Variants in GRM4 observed in about 807,000 individuals in gnomAD.
The protein encoded by GRM4 is metabotropic glutamate receptor 4.
Under a neutral mutation model 81.7 loss-of-function variants are expected in GRM4, and 28 were observed. The observed-to-expected ratio is 0.34, with a 90% CI of 0.25 to 0.47. The LOEUF (loss-of-function observed/expected upper bound fraction) is 0.47, where lower values mean the gene tolerates loss of function less well. Ranked by LOEUF, GRM4 falls within the 20% of genes least tolerant of loss-of-function variation. The pLI, the probability that GRM4 is intolerant of heterozygous loss-of-function variation, is 1.00. For synonymous variants in GRM4, 488 were observed against 528.8 expected, an observed-to-expected ratio of 0.92 and a Z score of 1.06; for missense variants, 948 against 1,290.0, an observed-to-expected ratio of 0.73 and a Z score of 4.06.
upstream of GRM4, among the ~76,000 whole-genome samples, chr6:34,146,463 C>T (rs915830028): frequency 1.3e-5 from 2 of 152,216 alleles, no homozygotes; most frequent in Non-Finnish European, 2.9e-5. Flanking sequence ...ATAAAGCCAG[C>T]TCGCCCCCTT....
intron 10 of GRM4, among the ~76,000 whole-genome samples, chr6:34,025,597 G>A (rs1764095582): frequency 1.3e-5 from 2 of 152,124 alleles, no homozygotes; most frequent in Non-Finnish European, 2.9e-5. Flanking sequence ...CTTCACCCAA[G>A]CCTCAGTCTC....
At chr6:34,131,708 G>T (rs1027722514) in intron 2 of GRM4, among the ~76,000 whole-genome samples, 33 of 152,142 alleles carry the variant, frequency 2.2e-4, no homozygotes, top group Admixed American at 1.7e-3. Flanking sequence ...TGCATCATGG[G>T]AAGTGGGCTA....
rs763706373 is a variant in GRM4, at chr6:34,028,249, G to T, written c.2560C>A (p.Pro854Thr). Residue 854 changes from proline (P) to threonine (T), a missense_variant, in exon 10 of 11, where the codon CCC (proline) becomes ACC (threonine). Coordinates refer to ENST00000538487, the MANE Select transcript of GRM4 (RefSeq NM_000841.4). ...IILFHPEQNV[P>T]KRKRSLKAVV... ...GCTTTGAGGCTGCGCTTGCGCTTGG[G>T]CACGTTCTGCTCCGGGTGGAAGAGG... 21 of 1,614,076 alleles carry T rather than the reference G, an allele frequency of 1.3e-5. No individual in the cohort carries two copies. In the East Asian group the frequency reaches 4.5e-4, roughly 34 times the overall value.
At chr6:34,041,640 C>G (rs1407327617) in intron 6 of GRM4, among the ~76,000 whole-genome samples, 1 of 152,190 alleles carries the variant, frequency 6.6e-6, no homozygotes, top group Non-Finnish European at 1.5e-5. Flanking sequence ...AGATAAGGTA[C>G]CGAAAACACT....
Position 34,028,120 on chromosome 6 carries a change from C to G in GRM4, c.2689G>C (p.Ala897Pro). ...GGGCAGAACGGGGCCAGGCACTCAC[C>G]TGGGGCCTCAAGGTTCTCGCAGAGC... ...SELCENLEAP[A>P]LATKQTYVTY... is the part of the protein sequence containing the mutation. Residue 897 changes from alanine to proline, a missense_variant and splice_region_variant, in exon 10 of 11, where the codon GCG (alanine) becomes CCG (proline). By Grantham distance (27) the Ala-to-Pro change is conservative. Transcript: ENST00000538487. The G allele has an allele frequency of 1.9e-6, 3 of 1,610,922 alleles. No homozygotes were observed. The highest frequency in any genetic ancestry group is 2.5e-6 in the Non-Finnish European group (3 of 1,178,276).
intron 8 of GRM4, among the ~76,000 whole-genome samples, chr6:34,038,274 C>G (rs1024656488): frequency 6.6e-5 from 10 of 152,252 alleles, no homozygotes; most frequent in African/African-American, 2.4e-4. Context: ...TCATCTGATC[C>G]AATGAAAGCA....
chr6:34,077,854 A>G (rs1767395970), intron 3 of GRM4, among the ~76,000 whole-genome samples: 1 of 152,134 alleles, frequency 6.6e-6, no homozygotes, highest in Middle Eastern at 3.2e-3. Context: ...CTGGGCACCT[A>G]TAACAATCTC....
chr6:34,032,922 C>T (rs552027227), intron 9 of GRM4, among the ~76,000 whole-genome samples: 1 of 152,286 alleles, frequency 6.6e-6, no homozygotes, highest in South Asian at 2.1e-4. Context: ...GTGGGCCTCC[C>T]AGCCAGGTAC....
chr6:34,148,601 T>G (rs1482232034), upstream of GRM4, among the ~76,000 whole-genome samples: 1 of 152,110 alleles, frequency 6.6e-6, no homozygotes, highest in Non-Finnish European at 1.5e-5. Context: ...TCTAACCGTG[T>G]CTCCAACAAG....
rs1363204065 is a variant in GRM4, at chr6:34,092,235, G to A, written c.520-136C>T. 26 of 618,662 alleles carry A rather than the reference G, an allele frequency of 4.2e-5. No homozygotes were observed. The highest frequency in any genetic ancestry group is 2.8e-4 in the South Asian group (14 of 50,806). 38.3% of individuals were successfully genotyped at this position (618,662 alleles called of 1,614,324 possible). On this transcript the variant is annotated intron_variant, in intron 2 of 10. Coordinates refer to ENST00000538487, the MANE Select transcript of GRM4 (RefSeq NM_000841.4). The surrounding 1 kb of genome is among the most constrained non-coding windows in gnomAD (Gnocchi z 6.8). Reference sequence around the variant, plus strand: ...CCACAGCCCACCCCTCCCCATGGGCGATGCCTCCTCCTCCAGAAAGTCTCC... The same window carrying A: ...CCACAGCCCACCCCTCCCCATGGGCAATGCCTCCTCCTCCAGAAAGTCTCC...
rs902210 is a variant in GRM4 at position 34,112,028 on chromosome 6, G to C, written c.520-19929C>G. 8.3e-3 allele frequency among the ~76,000 whole-genome samples: 1,270 copies of C among 152,246 alleles called. 5 individuals are homozygous for C. Among genetic ancestry groups the C allele is most frequent in the Middle Eastern group, 0.044 (13 of 294 alleles). ...TGCACCTAAATAAACGTAGTGGAAG[G>C]GGGGGACATGATCACTCCTGGAAAG... On this transcript the variant is annotated intron_variant, in intron 2 of 10. Transcript: ENST00000538487.
intron 6 of GRM4, among the ~76,000 whole-genome samples, chr6:34,045,048 C>T (rs1765303321): frequency 6.6e-6 from 1 of 152,100 alleles, no homozygotes; most frequent in African/African-American, 2.4e-5. Flanking sequence ...ACACCACACA[C>T]ACTCCTCAAC....
At chr6:34,146,996 C>T (rs1390930128), upstream of GRM4, among the ~76,000 whole-genome samples, 2 of 150,250 alleles carry the variant, frequency 1.3e-5, no homozygotes, top group Admixed American at 6.6e-5. Flanking sequence ...GCCAAAACCA[C>T]ATCTCGTTCA....
rs943703259 is a variant in GRM4 at position 34,136,859 on chromosome 6, C to T, written c.-363-3000G>A. Among the ~76,000 whole-genome samples the T allele has an allele frequency of 2.0e-5, 3 of 151,248 alleles. No individual in the cohort carries two copies. Among genetic ancestry groups the T allele is most frequent in the African/African-American group, 4.9e-5 (2 of 41,150 alleles). ...TTTAGCTTCCCCTCCCTCCTTTGAT[C>T]ATGTAACAGGAACAAGGGAAAAGTA... On this transcript the variant is annotated intron_variant, in intron 1 of 10. Coordinates refer to ENST00000538487, the MANE Select transcript of GRM4 (RefSeq NM_000841.4). This position sits in a 1 kb window ranked among gnomAD's most constrained non-coding sequence, Gnocchi z 4.1.
chr6:34,061,648 A>G (rs1487642921), intron 4 of GRM4: 2 of 426,758 alleles, frequency 4.7e-6, no homozygotes, highest in Admixed American at 3.7e-5. Flanking sequence ...GCACCCAGGT[A>G]GCCATCCCTA....
At chr6:34,128,379 C>CTTTTTTTT (rs547672333) in intron 2 of GRM4, among the ~76,000 whole-genome samples, 1 of 132,806 alleles carries the variant, frequency 7.5e-6, no homozygotes, top group Non-Finnish European at 1.6e-5. Context: ...TTTTTCTTTT[C>CTTTTTTTT]TTTTTTTTTT....
chr6:34,143,868 C>T (rs1236946345), intron 1 of GRM4, among the ~76,000 whole-genome samples: 1 of 152,218 alleles, frequency 6.6e-6, no homozygotes, highest in East Asian at 1.9e-4. Context: ...CACCCCAGAA[C>T]GGACAAGGCG....
chr6:34,110,227 G>A (rs1484167729), intron 2 of GRM4, among the ~76,000 whole-genome samples: 3 of 151,158 alleles, frequency 2.0e-5, no homozygotes, highest in Non-Finnish European at 4.4e-5. Flanking sequence ...CCGGGAGGTC[G>A]AGGCTGCAGT....
chr6:34,144,873 A>G (rs1380339952), intron 1 of GRM4, among the ~76,000 whole-genome samples: 1 of 152,092 alleles, frequency 6.6e-6, no homozygotes, highest in Non-Finnish European at 1.5e-5. Flanking sequence ...GCACCCGGAA[A>G]GCCTGCCTTA....
Sources: allele counts gnomAD v4.1 joint callset (sites outside exome capture counted in the v4.1 genomes callset), GRCh38; gene constraint gnomAD v4.1.1; non-coding constraint Gnocchi (gnomAD v3.1); transcripts MANE v1.5; gene names NCBI Gene and HGNC (gene_info 2026-07-23, HGNC 2026-07-21).